The following RGS6 variants were observed in gnomAD, a reference collection of about 807,000 sequenced individuals.
RGS6 encodes the protein regulator of G protein signaling 6.
In RGS6, 30 loss-of-function variants were observed where a neutral mutation model predicts 78.5. That is an observed-to-expected ratio of 0.38 (90% CI 0.29 to 0.52). The LOEUF (loss-of-function observed/expected upper bound fraction) is 0.52, where lower values mean the gene tolerates loss of function less well. RGS6 is among the 20% of genes least tolerant of loss of function. RGS6 has a pLI of 0.85. For synonymous variants in RGS6, 206 were observed against 206.0 expected (o/e 1.00, Z 0.00); for missense variants, 495 against 609.7 (o/e 0.81, Z 1.98).
chr14:72,318,461 C>T (rs893045698), intron 2 of RGS6, among the ~76,000 whole-genome samples: 1 of 152,094 alleles, frequency 6.6e-6, no homozygotes, highest in Non-Finnish European at 1.5e-5. Flanking sequence ...CCAATCCAAT[C>T]AAGTTGACAC....
intron 15 of RGS6, among the ~76,000 whole-genome samples, chr14:72,534,790 G>A (rs1180078764): frequency 6.6e-6 from 1 of 152,142 alleles, no homozygotes; most frequent in African/African-American, 2.4e-5. Flanking sequence ...CCTGGAAAGA[G>A]CACCAAGGAA....
chr14:72,353,615 G>C (rs1011099873), intron 3 of RGS6, among the ~76,000 whole-genome samples: 1 of 152,130 alleles, frequency 6.6e-6, no homozygotes, highest in East Asian at 1.9e-4. Flanking sequence ...TTTATGAGAT[G>C]ATGATGATGA....
At chr14:72,155,361 G>A (rs2096755427) in intron 2 of RGS6, among the ~76,000 whole-genome samples, 1 of 152,194 alleles carries the variant, frequency 6.6e-6, no homozygotes, top group Non-Finnish European at 1.5e-5. Context: ...TACCCTGAGG[G>A]CTTGTTACCT....
At chr14:72,128,043 CCA>C (rs2096241595) in intron 2 of RGS6, among the ~76,000 whole-genome samples, 1 of 152,050 alleles carries the variant, frequency 6.6e-6, no homozygotes, top group African/African-American at 2.4e-5. Flanking sequence ...TATGGATAGA[CCA>C]CAGTTTAAAC....
chr14:72,101,810 G>A (rs1243545335), intron 2 of RGS6, among the ~76,000 whole-genome samples: 1 of 152,206 alleles, frequency 6.6e-6, no homozygotes, highest in Admixed American at 6.5e-5. Flanking sequence ...ATCAGGCTTA[G>A]ATGGGTCCAC....
chr14:71,871,932 A>G, the RGS6 span, among the ~76,000 whole-genome samples: 1 of 141,026 alleles, frequency 7.1e-6, no homozygotes, highest in East Asian at 2.3e-4. Flanking sequence ...TCCAACATCG[A>G]TTTCCTGGAG....
intron 3 of RGS6, among the ~76,000 whole-genome samples, chr14:72,454,038 A>G (rs2095566042): frequency 6.6e-6 from 1 of 152,264 alleles, no homozygotes; most frequent in South Asian, 2.1e-4. Flanking sequence ...AGGAGAGGAA[A>G]GAGGTCTTGG....
At chr14:72,470,453 GT>G (rs1324338998) in intron 8 of RGS6, among the ~76,000 whole-genome samples, 81 of 152,346 alleles carry the variant, frequency 5.3e-4, no homozygotes, top group African/African-American at 1.9e-3. Flanking sequence ...ACAGGTTGGA[GT>G]TTTAGGAAGA....
intron 2 of RGS6, among the ~76,000 whole-genome samples, chr14:72,188,875 A>C (rs944017985): frequency 6.6e-6 from 1 of 152,268 alleles, no homozygotes; most frequent in East Asian, 1.9e-4. Context: ...TACAGAGAAA[A>C]CTCTCACAGA....
chr14:72,409,035 C>G (rs913589588), intron 3 of RGS6, among the ~76,000 whole-genome samples: 4 of 152,174 alleles, frequency 2.6e-5, no homozygotes, highest in African/African-American at 9.6e-5. Context: ...TCGGAGTACA[C>G]TTGAATTACT....
At chr14:72,537,267 T>C (rs1383576474) in intron 16 of RGS6, among the ~76,000 whole-genome samples, 1 of 152,190 alleles carries the variant, frequency 6.6e-6, no homozygotes, top group Non-Finnish European at 1.5e-5. Flanking sequence ...GCCCATCACA[T>C]GCTCTCCGCT....
chr14:72,493,297 CATATT>C (rs1415794507), intron 12 of RGS6, among the ~76,000 whole-genome samples: 1 of 152,076 alleles, frequency 6.6e-6, no homozygotes, highest in African/African-American at 2.4e-5. Context: ...GTATAGAACT[CATATT>C]ATCTGAGAAA....
At chr14:71,968,906 A>G (rs2093662759) in intron 2 of RGS6, among the ~76,000 whole-genome samples, 1 of 152,172 alleles carries the variant, frequency 6.6e-6, no homozygotes, top group Non-Finnish European at 1.5e-5. Context: ...TACATGTGCC[A>G]TGTTGGTGTG....
intron 2 of RGS6, among the ~76,000 whole-genome samples, chr14:72,263,924 C>G (rs1247570263): frequency 6.6e-6 from 1 of 152,196 alleles, no homozygotes. Flanking sequence ...TTCTTGGGGT[C>G]AAGTGTGTTC....
chr14:72,296,998 T>A (rs2064975423), intron 2 of RGS6, among the ~76,000 whole-genome samples: 1 of 151,892 alleles, frequency 6.6e-6, no homozygotes, highest in South Asian at 2.1e-4. Flanking sequence ...TCCACATGGC[T>A]ATCTAGTCAT....
At chr14:72,022,709 C>G (rs1048106388) in intron 2 of RGS6, among the ~76,000 whole-genome samples, 1 of 11,472 alleles carries the variant, frequency 8.7e-5, no homozygotes, top group Admixed American at 6.5e-4. Flanking sequence ...CGCTCTTTCA[C>G]TCTTTGGCTG....
At position 72,562,756 on chromosome 14, in the gene RGS6, G is replaced by C; in HGVS notation, c.*289G>C. 4.6e-6 allele frequency: 7 copies of C among 1,534,618 alleles called. No homozygotes were observed. The highest frequency in any genetic ancestry group is 6.1e-6 in the Non-Finnish European group (7 of 1,145,518). ...CACTCGCTAAGAGGCCCTGATCCCA[G>C]CTCATTCAGGGGAGAACACGTCGTG... is the stretch of plus-strand genomic sequence containing the variant. On this transcript the variant is annotated 3_prime_UTR_variant, in exon 18 of 18. Transcript: ENST00000553525.
chr14:72,017,332 T>C (rs1438102712), intron 2 of RGS6, among the ~76,000 whole-genome samples: 2 of 152,252 alleles, frequency 1.3e-5, no homozygotes, highest in African/African-American at 4.8e-5. Flanking sequence ...ATTTTCATGG[T>C]TTAGATACTC....
intron 3 of RGS6, among the ~76,000 whole-genome samples, chr14:72,393,698 T>C (rs867283068): frequency 9.8e-5 from 15 of 152,298 alleles, no homozygotes; most frequent in Middle Eastern, 6.8e-3. Context: ...TGCATGCTAT[T>C]TGTAGAATAT....
Sources: allele counts gnomAD v4.1 joint callset (sites outside exome capture counted in the v4.1 genomes callset), GRCh38; gene constraint gnomAD v4.1.1; transcripts MANE v1.5; gene names NCBI Gene and HGNC (gene_info 2026-07-23, HGNC 2026-07-21).